CNTN5: variants seen among roughly 807,000 people sequenced by gnomAD.
The protein encoded by CNTN5 is contactin 5, also known as contactin-5.
A neutral mutation model predicts 129.1 loss-of-function variants in CNTN5; 77 were observed. The ratio of observed to expected loss-of-function variants is 0.60; its 90% CI spans 0.50 to 0.72. CNTN5 has a LOEUF of 0.72. CNTN5 is among the 30% of genes least tolerant of loss of function. The probability of loss-of-function intolerance (pLI) is 0.00; values close to 1 mark genes in which losing one functional copy is unlikely to be tolerated. For synonymous variants in CNTN5, 509 were observed against 465.6 expected, an observed-to-expected ratio of 1.09 and a Z score of -1.20; for missense variants, 1,478 against 1,328.8, an observed-to-expected ratio of 1.11 and a Z score of -1.75.
At chr11:99,768,093 C>A (rs768890967) in intron 3 of CNTN5, among the ~76,000 whole-genome samples, 5 of 151,910 alleles carry the variant, frequency 3.3e-5, no homozygotes, top group African/African-American at 7.2e-5. Flanking sequence ...GTGACAGAGA[C>A]CATATGGACC....
chr11:99,420,150 G>T (rs915967650), intron 2 of CNTN5, among the ~76,000 whole-genome samples: 30 of 152,086 alleles, frequency 2.0e-4, no homozygotes, highest in African/African-American at 7.2e-4. Context: ...CTGCAGAACC[G>T]TGACTCCATT....
intron 18 of CNTN5, among the ~76,000 whole-genome samples, chr11:100,273,376 T>A (rs1950443161): frequency 6.6e-6 from 1 of 152,118 alleles, no homozygotes; most frequent in African/African-American, 2.4e-5. Context: ...TTTGCTTTCC[T>A]TGCCCTGACA....
At chr11:100,011,925 G>T (rs758965885) in intron 9 of CNTN5, among the ~76,000 whole-genome samples, 1 of 152,084 alleles carries the variant, frequency 6.6e-6, no homozygotes, top group African/African-American at 2.4e-5. Flanking sequence ...ACTGGCAAAC[G>T]TTCCTGGAAG....
At chr11:99,782,845 T>C (rs1334403776) in intron 3 of CNTN5, among the ~76,000 whole-genome samples, 1 of 151,722 alleles carries the variant, frequency 6.6e-6, no homozygotes, top group Non-Finnish European at 1.5e-5. Context: ...GATTAAAGAC[T>C]TAAACGTTAG....
At chr11:99,989,709 A>G (rs1938931205) in intron 8 of CNTN5, among the ~76,000 whole-genome samples, 1 of 152,170 alleles carries the variant, frequency 6.6e-6, no homozygotes, top group Non-Finnish European at 1.5e-5. Flanking sequence ...AAAAAACTTC[A>G]TCTCACTTAA....
chr11:99,894,670 G>T (rs1309829588), intron 6 of CNTN5, among the ~76,000 whole-genome samples: 2 of 152,192 alleles, frequency 1.3e-5, no homozygotes, highest in East Asian at 1.9e-4. Flanking sequence ...ATAGGGAAAT[G>T]ACTTTTGGTT....
Position 99,430,975 on chromosome 11 carries a change from T to C in CNTN5, c.-71+105491T>C, listed in dbSNP as rs374869546. Among the ~76,000 whole-genome samples the C allele has an allele frequency of 1.3e-3, 200 of 149,036 alleles. 10 individuals carry two copies. In the South Asian group the frequency reaches 0.037, roughly 28 times the overall value. ...AACCCATCAAGTAGCCAAAAAAAAA[T>C]TTTTGGATCCTTTTTCCTGGCTGTT... On this transcript the variant is annotated intron_variant, in intron 2 of 24. Transcript: ENST00000524871.
intron 1 of CNTN5, among the ~76,000 whole-genome samples, chr11:99,148,752 A>T (rs1008453557): frequency 1.6e-4 from 25 of 152,156 alleles, no homozygotes; most frequent in South Asian, 2.1e-4. Context: ...ATATAATTAT[A>T]TCTTTATTTG....
intron 8 of CNTN5, among the ~76,000 whole-genome samples, chr11:99,980,453 G>A (rs35439441): frequency 0.062 from 9,409 of 152,168 alleles, 375 homozygotes; most frequent in Non-Finnish European, 0.083. Context: ...TTGTGTAACC[G>A]GTGTATTAGC....
intron 1 of CNTN5, among the ~76,000 whole-genome samples, chr11:99,259,846 A>G (rs576214028): frequency 1.3e-5 from 2 of 152,044 alleles, no homozygotes; most frequent in East Asian, 1.9e-4. Context: ...TATAAAAACA[A>G]TATCTCGTTA....
chr11:99,269,541 T>G (rs1399444097), intron 1 of CNTN5, among the ~76,000 whole-genome samples: 1 of 151,868 alleles, frequency 6.6e-6, no homozygotes, highest in Non-Finnish European at 1.5e-5. Flanking sequence ...GTACTATGCG[T>G]GTGGCAAGGC....
chr11:100,045,810 G>T (rs1942637711), intron 9 of CNTN5, among the ~76,000 whole-genome samples: 1 of 151,186 alleles, frequency 6.6e-6, no homozygotes, highest in South Asian at 2.1e-4. Context: ...ATGACAAAAT[G>T]AATTTTAAAA....
chr11:100,331,527 T>C (rs984272196), intron 21 of CNTN5, among the ~76,000 whole-genome samples: 3 of 152,144 alleles, frequency 2.0e-5, no homozygotes, highest in Non-Finnish European at 4.4e-5. Context: ...AACTCCAGAA[T>C]GTACATTCTG....
chr11:99,969,463 T>C (rs1336824794), intron 8 of CNTN5, among the ~76,000 whole-genome samples: 2 of 152,184 alleles, frequency 1.3e-5, no homozygotes, highest in African/African-American at 4.8e-5. Flanking sequence ...TTTTTTAATA[T>C]TCAGATTTCT....
At chr11:99,290,010 A>G (rs1864102306) in intron 1 of CNTN5, among the ~76,000 whole-genome samples, 1 of 151,732 alleles carries the variant, frequency 6.6e-6, no homozygotes, top group Non-Finnish European at 1.5e-5. Flanking sequence ...CCTTTTTTTA[A>G]ATTGTATAAA....
intron 2 of CNTN5, among the ~76,000 whole-genome samples, chr11:99,455,802 A>ATC (rs1398666722): frequency 6.6e-6 from 1 of 152,152 alleles, no homozygotes; most frequent in Non-Finnish European, 1.5e-5. Context: ...AATTATATAT[A>ATC]TTATTCCAAG....
chr11:99,027,649 C>T (rs1416988443), intron 1 of CNTN5, among the ~76,000 whole-genome samples: 1 of 151,574 alleles, frequency 6.6e-6, no homozygotes, highest in African/African-American at 2.4e-5. Flanking sequence ...AATATATACA[C>T]TAAAAATTCC....
At chr11:99,106,641 G>T (rs1867011949) in intron 1 of CNTN5, among the ~76,000 whole-genome samples, 1 of 152,012 alleles carries the variant, frequency 6.6e-6, no homozygotes, top group Admixed American at 6.6e-5. Flanking sequence ...TTATCTGGAT[G>T]AATTAACATA....
At chr11:99,570,924 G>T (rs995882894) in intron 3 of CNTN5, among the ~76,000 whole-genome samples, 3 of 152,106 alleles carry the variant, frequency 2.0e-5, no homozygotes, top group Non-Finnish European at 2.9e-5. Context: ...AGTATTTCAG[G>T]CAGGCAGGGA....
Sources: gnomAD v4.1 joint callset for allele counts (sites outside exome capture counted in the v4.1 genomes callset) on GRCh38, gnomAD v4.1.1 for gene constraint, MANE v1.5 for transcripts, NCBI Gene and HGNC (gene_info 2026-07-23, HGNC 2026-07-21) for gene names.